The following CD244 variants were observed in gnomAD, a reference collection of about 807,000 sequenced individuals.
CD244 encodes the protein CD244 molecule, also known as natural killer cell receptor 2B4.
CD244 carries 20 observed loss-of-function variants against 45.5 expected under a neutral mutation model. The ratio of observed to expected loss-of-function variants is 0.44; its 90% confidence interval spans 0.31 to 0.64. The LOEUF is 0.64. Ranked by LOEUF, CD244 falls within the 30% of genes least tolerant of loss-of-function variation. The probability of loss-of-function intolerance (pLI) is 0.08; values close to 1 mark genes in which losing one functional copy is unlikely to be tolerated. For synonymous variants in CD244, 185 were observed against 160.5 expected (o/e 1.15, Z -1.15); for missense variants, 407 against 426.9 (o/e 0.95, Z 0.41).
intron 3 of CD244, 40 bp downstream of exon 3, chr1:160,841,170 A>G (rs1345410806): frequency 6.2e-7 from 1 of 1,605,410 alleles, no homozygotes; most frequent in Non-Finnish European, 8.5e-7. Flanking sequence ...GCGGGGTCCA[A>G]ACCTTCAGCG....
At chr1:160,843,565 C>G (rs758304453) in intron 1 of CD244, among the ~76,000 whole-genome samples, 1 of 152,146 alleles carries the variant, frequency 6.6e-6, no homozygotes, top group African/African-American at 2.4e-5. Context: ...GATCTGGAAA[C>G]AGAACACTTT....
intron 1 of CD244, among the ~76,000 whole-genome samples, chr1:160,853,217 A>G (rs1669980915): frequency 1.3e-5 from 2 of 152,226 alleles, no homozygotes; most frequent in South Asian, 2.1e-4. Context: ...TTTCCTGGCA[A>G]TAATGTGGAT....
chr1:160,855,502 A>G (rs1418788482), intron 1 of CD244, among the ~76,000 whole-genome samples: 1 of 152,190 alleles, frequency 6.6e-6, no homozygotes, highest in Non-Finnish European at 1.5e-5. Context: ...TGTCCAGGGT[A>G]TTGTGACTGA....
intron 1 of CD244, among the ~76,000 whole-genome samples, chr1:160,850,988 G>A (rs531304522): frequency 7.9e-5 from 12 of 152,322 alleles, no homozygotes; most frequent in African/African-American, 2.6e-4. Context: ...ACATTCACTG[G>A]ATTATTATAA....
chr1:160,856,252 A>G (rs1465110888), intron 1 of CD244, among the ~76,000 whole-genome samples: 1 of 152,112 alleles, frequency 6.6e-6, no homozygotes, highest in Non-Finnish European at 1.5e-5. Flanking sequence ...CTTCCTCTCT[A>G]TTTAGCTTCA....
At chr1:160,854,397 T>C (rs1670029711) in intron 1 of CD244, among the ~76,000 whole-genome samples, 2 of 152,062 alleles carry the variant, frequency 1.3e-5, no homozygotes, top group African/African-American at 4.8e-5. Context: ...TGTTTGTTTG[T>C]TTTAAGACAG....
intron 7 of CD244, 141 bp from the exon 8 acceptor site, chr1:160,832,716 C>T: frequency 3.9e-6 from 6 of 1,523,472 alleles, no homozygotes; most frequent in Non-Finnish European, 5.3e-6. Context: ...TAGAATCTGT[C>T]ACCCTAGGAG....
Position 160,836,228 on chromosome 1 carries a change from C to A in CD244, c.861G>T (p.Gly287=). ...NHEQEQTFPG[G]GSTIYSMIQS... ...GGATCATAGAGTAGATGGTGCTCCC[C>A]CCTCCAGGAAAAGTCTGCTCCTGCT... is the stretch of plus-strand genomic sequence containing the variant. Residue 287 remains glycine (G), a synonymous_variant, in exon 6 of 9, where the codon GGG becomes GGT. Coordinates refer to ENST00000368034, the MANE Select transcript of CD244 (RefSeq NM_016382.4). 1 of 1,613,918 alleles carries A rather than the reference C, an allele frequency of 6.2e-7. No individual in the cohort carries two copies. Among genetic ancestry groups the A allele is most frequent in the African/African-American group, 1.3e-5 (1 of 75,042 alleles).
Sources: allele counts gnomAD v4.1 joint callset (sites outside exome capture counted in the v4.1 genomes callset), GRCh38; gene constraint gnomAD v4.1.1; transcripts MANE v1.5; gene names NCBI Gene and HGNC (gene_info 2026-07-23, HGNC 2026-07-21).